Variants in SYNE1 observed in about 807,000 individuals in gnomAD.
SYNE1 encodes the protein nesprin-1.
SYNE1 carries 616 observed loss-of-function variants against 1,111.0 expected under a neutral mutation model. That is an observed-to-expected ratio of 0.55 (90% CI 0.52 to 0.59). The LOEUF is 0.59. SYNE1 is among the 20% of genes least tolerant of loss of function. The pLI is 0.00. For missense variants in SYNE1, 10,006 were observed against 10,417.0 expected, an observed-to-expected ratio of 0.96 and a Z score of 1.72; for synonymous variants, 3,855 against 3,825.8, an observed-to-expected ratio of 1.01 and a Z score of -0.28.
At chr6:152,285,329 G>A (rs1036925302) in intron 95 of SYNE1, among the ~76,000 whole-genome samples, 10 of 152,174 alleles carry the variant, frequency 6.6e-5, no homozygotes, top group Non-Finnish European at 1.5e-5. Context: ...TTCCTCTCTC[G>A]ACTGAGTTGC....
chr6:152,388,995 T>C (rs1292057354), intron 53 of SYNE1, among the ~76,000 whole-genome samples: 1 of 152,200 alleles, frequency 6.6e-6, no homozygotes, highest in Non-Finnish European at 1.5e-5. Flanking sequence ...CTGACCATTG[T>C]GAGTTATTAC....
chr6:152,127,524 C>T (rs982039619), intron 145 of SYNE1: 2 of 152,142 alleles, frequency 1.3e-5, no homozygotes, highest in African/African-American at 4.8e-5. Flanking sequence ...CCTTTTCTCT[C>T]GGGAAAACAT....
chr6:152,563,500 T>G lies in SYNE1; in HGVS notation c.68-23479A>C, dbSNP rs149393397. Among the ~76,000 whole-genome samples the G allele has an allele frequency of 8.1e-3, 1,227 of 152,316 alleles. 11 individuals carry two copies. The highest frequency in any genetic ancestry group is 0.027 in the African/African-American group (1,104 of 41,568). On this transcript the variant is annotated intron_variant, in intron 3 of 145. Transcript: ENST00000367255. ...TAGAAAATTAGGCATTTTATCTTAT[T>G]AAAATCCTAGTGTTGATTGTGGTAA... is the stretch of plus-strand genomic sequence containing the variant.
intron 78 of SYNE1, 74 bp downstream of exon 78, chr6:152,329,656 G>C: frequency 6.2e-7 from 1 of 1,600,646 alleles, no homozygotes. Context: ...TTATAACCAA[G>C]CAAACGAATT....
intron 36 of SYNE1, among the ~76,000 whole-genome samples, chr6:152,429,283 A>T (rs2098405520): frequency 6.6e-6 from 1 of 152,116 alleles, no homozygotes. Context: ...GGAAATCTAA[A>T]TATCGGAAAA....
intron 141 of SYNE1, among the ~76,000 whole-genome samples, chr6:152,136,222 C>T (rs758708284): frequency 2.6e-5 from 4 of 152,082 alleles, no homozygotes; most frequent in Non-Finnish European, 4.4e-5. Context: ...TGGTGGACGC[C>T]CAGCAAGTAA....
intron 80 of SYNE1, 88 bp downstream of exon 80, chr6:152,325,870 G>C (rs1418114358): frequency 9.3e-6 from 14 of 1,513,032 alleles, no homozygotes; most frequent in Non-Finnish European, 1.3e-5. Flanking sequence ...AAAAAGTCCA[G>C]GTAGAAATGA....
chr6:152,398,448 T>A (rs980785747), intron 49 of SYNE1, among the ~76,000 whole-genome samples, 171 bp downstream of exon 49: 1 of 152,222 alleles, frequency 6.6e-6, no homozygotes, highest in African/African-American at 2.4e-5. Context: ...AACTTGTTTC[T>A]CAACATACTT....
At chr6:152,124,100 G>T (rs1000383255) in intron 145 of SYNE1, among the ~76,000 whole-genome samples, 1 of 152,158 alleles carries the variant, frequency 6.6e-6, no homozygotes. Flanking sequence ...GAGGTTGGCG[G>T]ATCACTTGAG....
chr6:152,255,540 T>G, intron 103 of SYNE1, 51 bp downstream of exon 103: 1 of 1,597,042 alleles, frequency 6.3e-7, no homozygotes, highest in Non-Finnish European at 8.6e-7. Flanking sequence ...CATCAAAATG[T>G]CAAGTGCTTT....
At chr6:152,611,827 C>T (rs1242136891) in intron 3 of SYNE1, among the ~76,000 whole-genome samples, 2 of 151,998 alleles carry the variant, frequency 1.3e-5, no homozygotes. Context: ...CAAATTAGAA[C>T]TCAGGATTAA....
In SYNE1 at chr6:152,359,569, T is replaced by C. The variant is rs1021593414; in HGVS notation, c.10300-111A>G. The stretch of plus-strand genomic sequence containing the variant: ...CAGTTGACAAGTGACCTCAGGTTAT[T>C]TATTCGTCCACTCCTCCATCATTTT... On this transcript the variant is annotated intron_variant, in intron 64 of 145. Coordinates refer to ENST00000367255, the MANE Select transcript of SYNE1 (RefSeq NM_182961.4). 1.1e-5 allele frequency: 15 copies of C among 1,364,522 alleles called. No individual in the cohort carries two copies. In the African/African-American group the frequency reaches 2.2e-4, roughly 20 times the overall value. 84.5% of individuals were successfully genotyped at this position (1,364,522 alleles called of 1,614,324 possible).
chr6:152,600,138 G>A (rs946627581), intron 3 of SYNE1, among the ~76,000 whole-genome samples: 8 of 152,164 alleles, frequency 5.3e-5, no homozygotes, highest in African/African-American at 1.9e-4. Flanking sequence ...TTCACATATA[G>A]TATGTAACAA....
chr6:152,435,845 T>C, intron 33 of SYNE1, 96 bp downstream of exon 33: 2 of 1,447,422 alleles, frequency 1.4e-6, no homozygotes, highest in Non-Finnish European at 9.6e-7. Flanking sequence ...ACAGACACTT[T>C]GAGATTTTAA....
intron 124 of SYNE1, among the ~76,000 whole-genome samples, chr6:152,208,690 A>T (rs1012887170): frequency 5.3e-5 from 8 of 152,242 alleles, no homozygotes; most frequent in Admixed American, 5.2e-4. Flanking sequence ...TATGTAATTT[A>T]AAAAGATTTT....
intron 128 of SYNE1, among the ~76,000 whole-genome samples, chr6:152,188,996 T>C (rs1162290316): frequency 1.2e-4 from 12 of 103,060 alleles, no homozygotes; most frequent in African/African-American, 5.2e-4. Flanking sequence ...TATATATATA[T>C]ATATATATAT....
chr6:152,206,116 AGTACAACGACTAAAAGG>A (rs1302881162), intron 126 of SYNE1, 35 bp downstream of exon 126: 1 of 1,517,594 alleles, frequency 6.6e-7, no homozygotes, highest in African/African-American at 1.4e-5. Context: ...GGGAGGAAGT[AGTACAACGACTAAAAGG>A]GTTTTTTGGT....
At chr6:152,403,711 G>C (rs2097853060) in intron 46 of SYNE1, among the ~76,000 whole-genome samples, 3 of 152,054 alleles carry the variant, frequency 2.0e-5, no homozygotes, top group African/African-American at 7.3e-5. Context: ...GACAGAGTGA[G>C]ACCCTGTCTC....
chr6:152,489,538 C>A (rs1405675389), intron 11 of SYNE1, among the ~76,000 whole-genome samples: 1 of 150,048 alleles, frequency 6.7e-6, no homozygotes, highest in South Asian at 2.1e-4. Context: ...CATCACGGAC[C>A]CTTTCAATTG....
Sources: allele counts gnomAD v4.1 joint callset (sites outside exome capture counted in the v4.1 genomes callset), GRCh38; gene constraint gnomAD v4.1.1; transcripts MANE v1.5; gene names NCBI Gene and HGNC (gene_info 2026-07-23, HGNC 2026-07-21).